IGSF11: variants seen among roughly 807,000 people sequenced by gnomAD.
IGSF11 encodes the protein immunoglobulin superfamily member 11, also known as CXADR like 1.
IGSF11 carries 22 observed loss-of-function variants against 41.0 expected under a neutral mutation model. That is an observed-to-expected ratio of 0.54 (90% CI 0.38 to 0.77). The LOEUF (loss-of-function observed/expected upper bound fraction) is 0.77. Ranked by LOEUF, IGSF11 falls within the 30% of genes least tolerant of loss-of-function variation. IGSF11 has a pLI of 0.00. For missense variants in IGSF11, 444 were observed against 530.8 expected, an observed-to-expected ratio of 0.84 and a Z score of 1.61; for synonymous variants, 219 against 201.3, an observed-to-expected ratio of 1.09 and a Z score of -0.74.
chr3:119,140,189 C>G (rs1284381090), intron 1 of IGSF11, among the ~76,000 whole-genome samples: 1 of 151,852 alleles, frequency 6.6e-6, no homozygotes, highest in Non-Finnish European at 1.5e-5. Context: ...ACCCTCCCCC[C>G]AAAAAAACCA....
At chr3:119,008,793 A>C (rs537416200) in intron 1 of IGSF11, among the ~76,000 whole-genome samples, 30 of 152,316 alleles carry the variant, frequency 2.0e-4, no homozygotes, top group Middle Eastern at 3.4e-3. Context: ...ATTAACATTT[A>C]AGTCATTGGA....
chr3:118,935,288 C>G (rs1245259196), intron 1 of IGSF11, among the ~76,000 whole-genome samples: 2 of 120,208 alleles, frequency 1.7e-5, no homozygotes, highest in Non-Finnish European at 3.3e-5. Context: ...GAGGAAATAT[C>G]AGGGTGTATA....
At chr3:119,107,350 A>AT (rs770066115), upstream of IGSF11, among the ~76,000 whole-genome samples, 2 of 152,044 alleles carry the variant, frequency 1.3e-5, no homozygotes, top group East Asian at 1.9e-4. Flanking sequence ...GATGATGAGC[A>AT]TTTTTCATAT....
intron 4 of IGSF11, among the ~76,000 whole-genome samples, chr3:118,914,235 T>C (rs1256330068): frequency 1.3e-5 from 2 of 151,976 alleles, no homozygotes; most frequent in Non-Finnish European, 2.9e-5. Flanking sequence ...GCTTAATAAA[T>C]AGAAAATCGG....
intron 1 of IGSF11, among the ~76,000 whole-genome samples, chr3:119,113,393 T>C (rs2077211213): frequency 1.3e-5 from 2 of 152,110 alleles, no homozygotes; most frequent in South Asian, 4.1e-4. Flanking sequence ...ATTGGAAAAA[T>C]ACTCCTGTTC....
At chr3:119,064,439 T>G (rs1004483034) in intron 1 of IGSF11, among the ~76,000 whole-genome samples, 1 of 151,928 alleles carries the variant, frequency 6.6e-6, no homozygotes, top group Non-Finnish European at 1.5e-5. Context: ...CTACACACTG[T>G]AGGTTTTTAA....
At chr3:119,050,158 TTAAAC>T (rs1288188673) in intron 1 of IGSF11, among the ~76,000 whole-genome samples, 2 of 151,080 alleles carry the variant, frequency 1.3e-5, no homozygotes, top group African/African-American at 4.9e-5. Context: ...TGGGACCTAA[TTAAAC>T]TAAAGAGCTT....
chr3:119,116,120 G>T (rs1489140426), intron 1 of IGSF11, among the ~76,000 whole-genome samples: 1 of 152,086 alleles, frequency 6.6e-6, no homozygotes, highest in African/African-American at 2.4e-5. Flanking sequence ...TGTCTGGAAG[G>T]GTGTTTCTAG....
chr3:119,065,885 A>G (rs1942217909), intron 1 of IGSF11, among the ~76,000 whole-genome samples: 1 of 151,740 alleles, frequency 6.6e-6, no homozygotes, highest in Non-Finnish European at 1.5e-5. Context: ...CAAGAATTTC[A>G]CAAATTCTTA....
At chr3:118,952,736 A>C (rs1224502576) in intron 1 of IGSF11, among the ~76,000 whole-genome samples, 1 of 152,158 alleles carries the variant, frequency 6.6e-6, no homozygotes, top group Admixed American at 6.5e-5. Context: ...AATGAGAAGT[A>C]AAAATTAGAT....
At chr3:119,083,007 G>A (rs16829334) in intron 1 of IGSF11, among the ~76,000 whole-genome samples, 18,602 of 152,106 alleles carry the variant, frequency 0.12, 1,734 homozygotes, top group South Asian at 0.27. Context: ...AATGAAGAAG[G>A]CTAAATTGAC....
chr3:119,100,807 A>G (rs1401342719), intron 1 of IGSF11, among the ~76,000 whole-genome samples: 5 of 152,228 alleles, frequency 3.3e-5, no homozygotes. Flanking sequence ...TCCAGGGGGC[A>G]TCTGATAACC....
intron 1 of IGSF11, among the ~76,000 whole-genome samples, chr3:119,119,878 T>C (rs1482111058): frequency 6.6e-6 from 1 of 152,184 alleles, no homozygotes; most frequent in Non-Finnish European, 1.5e-5. Context: ...TGGCTTAGAA[T>C]TTAAAAGAAA....
chr3:119,110,543 C>G (rs2077133290), intron 1 of IGSF11, among the ~76,000 whole-genome samples: 1 of 152,158 alleles, frequency 6.6e-6, no homozygotes, highest in Non-Finnish European at 1.5e-5. Flanking sequence ...ACTCTTTATC[C>G]AATTTGCCAG....
chr3:119,005,697 G>C (rs1295056154), intron 1 of IGSF11, among the ~76,000 whole-genome samples: 1 of 113,168 alleles, frequency 8.8e-6, no homozygotes, highest in Non-Finnish European at 1.7e-5. Flanking sequence ...TGTCTGTAAA[G>C]TATTTTATTT....
At chr3:119,017,470 GTGTGGTCCA>G (rs1245229706) in intron 1 of IGSF11, among the ~76,000 whole-genome samples, 1 of 152,190 alleles carries the variant, frequency 6.6e-6, no homozygotes, top group Non-Finnish European at 1.5e-5. Flanking sequence ...GTCATTGTAT[GTGTGGTCCA>G]TTGTTAACCA....
At chr3:118,916,610 G>T (rs1023892599) in intron 4 of IGSF11, among the ~76,000 whole-genome samples, 38 of 150,940 alleles carry the variant, frequency 2.5e-4, no homozygotes, top group African/African-American at 7.6e-4. Context: ...CATAAAGCAA[G>T]TCCTGAGTGA....
At chr3:119,044,562 A>C (rs1256498326) in intron 1 of IGSF11, among the ~76,000 whole-genome samples, 1 of 152,218 alleles carries the variant, frequency 6.6e-6, no homozygotes, top group Admixed American at 6.5e-5. Context: ...CTCAAGGAAC[A>C]CCTGGTAAGT....
At chr3:118,933,481 T>TATAAAA (rs1172178676) in intron 1 of IGSF11, among the ~76,000 whole-genome samples, 15 of 149,942 alleles carry the variant, frequency 1.0e-4, no homozygotes, top group African/African-American at 3.5e-4. Flanking sequence ...TATATATATA[T>TATAAAA]ATATATATAC....
Sources: allele counts gnomAD v4.1 joint callset (sites outside exome capture counted in the v4.1 genomes callset), GRCh38; gene constraint gnomAD v4.1.1; transcripts MANE v1.5; gene names NCBI Gene and HGNC (gene_info 2026-07-23, HGNC 2026-07-21).